Variants in RNF214 observed in about 807,000 individuals in gnomAD.
RNF214 encodes the protein ring finger protein 214.
A neutral mutation model predicts 75.9 loss-of-function variants in RNF214; 25 were observed. The ratio of observed to expected loss-of-function variants is 0.33; its 90% CI spans 0.24 to 0.46. The LOEUF (loss-of-function observed/expected upper bound fraction) is 0.46. RNF214 is among the 20% of genes least tolerant of loss of function. The pLI is 1.00. For missense variants in RNF214, 725 were observed against 857.5 expected, an observed-to-expected ratio of 0.85 and a Z score of 1.93; for synonymous variants, 314 against 308.8, an observed-to-expected ratio of 1.02 and a Z score of -0.18.
chr11:117,243,910 C>G (rs1344356213), intron 4 of RNF214, among the ~76,000 whole-genome samples: 2 of 152,182 alleles, frequency 1.3e-5, no homozygotes, highest in African/African-American at 2.4e-5. Context: ...GTTGTTCAGT[C>G]TGAATACCAG....
rs201719600 is a variant in RNF214, at chr11:117,234,299, T to C, written c.27T>C (p.Val9=). The C allele has an allele frequency of 1.7e-4, 282 of 1,614,208 alleles. No individual in the cohort carries two copies. The highest frequency in any genetic ancestry group is 2.1e-4 in the Non-Finnish European group (253 of 1,180,004). Residue 9 remains valine, a synonymous_variant, in exon 2 of 15, where the codon GTT becomes GTC. Coordinates refer to ENST00000300650, the MANE Select transcript of RNF214 (RefSeq NM_207343.4). The part of the protein sequence containing the change: MAASEVAG[V]VANAPSPPES... ...TGGCAGCGTCTGAGGTTGCTGGTGTTGTGGCCAATGCCCCCAGTCCTCCGG... is the reference window on the plus strand; with the variant it reads ...TGGCAGCGTCTGAGGTTGCTGGTGTCGTGGCCAATGCCCCCAGTCCTCCGG...
intron 2 of RNF214, among the ~76,000 whole-genome samples, chr11:117,234,838 G>A (rs2134349415): frequency 6.6e-6 from 1 of 152,270 alleles, no homozygotes; most frequent in Non-Finnish European, 1.5e-5. Flanking sequence ...TCATCCCACA[G>A]TATATGCTGG....
intron 14 of RNF214, 120 bp downstream of exon 14, chr11:117,283,330 G>A (rs990756770): frequency 4.4e-6 from 3 of 678,186 alleles, no homozygotes; most frequent in Non-Finnish European, 7.7e-6. Context: ...TTCTTTTACT[G>A]TGTTGGTGCT....
chr11:117,275,097 C>A (rs1452178388), intron 6 of RNF214, among the ~76,000 whole-genome samples: 1 of 152,104 alleles, frequency 6.6e-6, no homozygotes, highest in Admixed American at 6.6e-5. Context: ...AACTAGAAAT[C>A]AGTTTGAAGA....
intron 2 of RNF214, among the ~76,000 whole-genome samples, chr11:117,236,970 G>A (rs1565327141): frequency 1.3e-5 from 2 of 152,222 alleles, no homozygotes; most frequent in African/African-American, 4.8e-5. Context: ...CAAACAGCTT[G>A]TAAATGGTGG....
At chr11:117,274,675 C>T (rs1284410700) in intron 6 of RNF214, among the ~76,000 whole-genome samples, 8 of 128,766 alleles carry the variant, frequency 6.2e-5, no homozygotes, top group African/African-American at 1.2e-4. Flanking sequence ...AGCCATGGCT[C>T]TTTTTTTTTT....
chr11:117,270,791 G>A (rs1420809392), intron 6 of RNF214, among the ~76,000 whole-genome samples: 1 of 152,126 alleles, frequency 6.6e-6, no homozygotes, highest in Non-Finnish European at 1.5e-5. Flanking sequence ...TCACTGTGTT[G>A]TGCAGGCTGG....
intron 10 of RNF214, 47 bp from the exon 11 acceptor site, chr11:117,281,847 T>G: frequency 6.3e-7 from 1 of 1,590,276 alleles, no homozygotes; most frequent in Non-Finnish European, 8.6e-7. Flanking sequence ...TCCTAAACTT[T>G]CTTTTTCTTC....
rs536060134 is a variant in RNF214, at chr11:117,261,169, A to G, written c.959+14221A>G. On this transcript the variant is annotated intron_variant, in intron 6 of 14. Coordinates refer to ENST00000300650, the MANE Select transcript of RNF214 (RefSeq NM_207343.4). The stretch of plus-strand genomic sequence containing the variant: ...TTTACCATTAAGTTTGATGCTGACT[A>G]TAGGTTTTTTGTGTATGCCTTTTGT... Among the ~76,000 whole-genome samples, 56 of 152,282 alleles carry G rather than the reference A, an allele frequency of 3.7e-4. No individual in the cohort carries two copies. The South Asian group carries it at 6.6e-3, about 18-fold the overall frequency.
At chr11:117,237,685 TA>T (rs2032947695) in intron 2 of RNF214, among the ~76,000 whole-genome samples, 1 of 149,974 alleles carries the variant, frequency 6.7e-6, no homozygotes, top group Non-Finnish European at 1.5e-5. Flanking sequence ...AAATAAAAAA[TA>T]AAAGCAATAC....
At chr11:117,259,730 AGT>A (rs2033611450) in intron 6 of RNF214, among the ~76,000 whole-genome samples, 1 of 150,864 alleles carries the variant, frequency 6.6e-6, no homozygotes, top group Non-Finnish European at 1.5e-5. Flanking sequence ...TATTTTGGGA[AGT>A]GTCTAACTTT....
Position 117,238,723 on chromosome 11 carries a change from C to T in RNF214, c.230C>T (p.Ser77Leu). The T allele has an allele frequency of 6.2e-7, 1 of 1,614,142 alleles. No individual in the cohort carries two copies. The highest frequency in any genetic ancestry group is 8.5e-7 in the Non-Finnish European group (1 of 1,180,024). The change falls in exon 3 of 15, where the codon TCA becomes TTA. Residue 77 changes from serine (S) to leucine (L), a missense_variant. Ser to Leu is a moderately radical substitution (Grantham distance 145). Transcript: ENST00000300650. ...CACTCAGAGCAGAATCCTGGTTCAT[C>T]AGCAGGTGACACCTCAGCAGCGCAC... ...LEHSEQNPGS[S>L]AGDTSAAHQV... is the part of the protein sequence containing the mutation.
In RNF214 at chr11:117,275,247, A is replaced by G. The variant is rs562379865; in HGVS notation, c.960-4661A>G. ...GACAGAAGTTATCAAAATCTCAGAT[A>G]CAGCAAAAGCAATACTAAGAGGGAA... On this transcript the variant is annotated intron_variant, in intron 6 of 14. Coordinates refer to ENST00000300650, the MANE Select transcript of RNF214 (RefSeq NM_207343.4). Among the ~76,000 whole-genome samples, 110 of 152,346 alleles carry G rather than the reference A, an allele frequency of 7.2e-4. 2 individuals are homozygous for G. The South Asian group carries it at 8.7e-3, about 12-fold the overall frequency.
In RNF214 at chr11:117,246,112, G is replaced by A. The variant is rs181328957; in HGVS notation, c.820-697G>A. Among the ~76,000 whole-genome samples, 12 of 152,108 alleles carry A rather than the reference G, an allele frequency of 7.9e-5. No individual in the cohort carries two copies. The East Asian group carries it at 2.3e-3, about 29-fold the overall frequency. On this transcript the variant is annotated intron_variant, in intron 5 of 14. Transcript: ENST00000300650. ...TCTCGAGTATCTGGACTACAGGCAT[G>A]TGCCACCACACCTGGCTAATTTTTT... is the stretch of plus-strand genomic sequence containing the variant.
At chr11:117,270,312 T>A (rs1453149394) in intron 6 of RNF214, among the ~76,000 whole-genome samples, 1 of 145,704 alleles carries the variant, frequency 6.9e-6, no homozygotes, top group Non-Finnish European at 1.5e-5. Flanking sequence ...GGCTGCAGTA[T>A]AGTAGCACGA....
At chr11:117,251,777 A>G (rs2033400808) in intron 6 of RNF214, among the ~76,000 whole-genome samples, 1 of 152,198 alleles carries the variant, frequency 6.6e-6, no homozygotes, top group Admixed American at 6.5e-5. Flanking sequence ...TACTGTGTTA[A>G]GGAGTTTGGG....
At chr11:117,253,089 T>C (rs745740978) in intron 6 of RNF214, among the ~76,000 whole-genome samples, 2 of 152,140 alleles carry the variant, frequency 1.3e-5, no homozygotes, top group African/African-American at 4.8e-5. Context: ...CATGGCTCAC[T>C]AAAGCCTTGA....
intron 4 of RNF214, 143 bp from the exon 5 acceptor site, chr11:117,244,302 A>G: frequency 3.3e-6 from 2 of 597,834 alleles, no homozygotes; most frequent in Non-Finnish European, 5.8e-6. Context: ...ATTTTACTGA[A>G]TATAGCCACA....
chr11:117,277,977 A>C (rs2034048245), intron 6 of RNF214, among the ~76,000 whole-genome samples: 1 of 151,596 alleles, frequency 6.6e-6, no homozygotes, highest in Non-Finnish European at 1.5e-5. Context: ...CCCTCTCAAA[A>C]AAAAAAAAAG....
Sources: allele counts gnomAD v4.1 joint callset (sites outside exome capture counted in the v4.1 genomes callset), GRCh38; gene constraint gnomAD v4.1.1; transcripts MANE v1.5; gene names NCBI Gene and HGNC (gene_info 2026-07-23, HGNC 2026-07-21).